ACAN: variants seen among roughly 807,000 people sequenced by gnomAD.
ACAN encodes aggrecan, also known as aggrecan core protein.
ACAN carries 47 observed loss-of-function variants against 169.1 expected under a neutral mutation model. That is an observed-to-expected ratio of 0.28 (90% CI 0.22 to 0.35). ACAN has a LOEUF of 0.35. Ranked by LOEUF, ACAN falls within the 10% of genes least tolerant of loss-of-function variation. ACAN has a pLI of 1.00. For missense variants in ACAN, 2,716 were observed against 2,759.9 expected (o/e 0.98, Z 0.36); for synonymous variants, 1,115 against 1,112.2 (o/e 1.00, Z -0.05).
rs1393024677 is a variant in ACAN, at chr15:88,845,625, G to T, written c.1172G>T (p.Gly391Val). Residue 391 changes from glycine to valine, a missense_variant, in exon 7 of 19, where the codon GGT becomes GTT. Coordinates refer to ENST00000560601, the MANE Select transcript of ACAN (RefSeq NM_001369268.1). ...ELPLPRNITE[G>V]EARGSVILTV... ...CCACTGCCTCGAAACATCACTGAGG[G>T]TGAAGCCCGAGGCAGCGTGATCCTT... 14 of 1,614,056 alleles carry T rather than the reference G, an allele frequency of 8.7e-6. No homozygotes were observed. The highest frequency in any genetic ancestry group is 1.1e-5 in the Non-Finnish European group (13 of 1,179,900).
intron 1 of ACAN, among the ~76,000 whole-genome samples, chr15:88,832,514 G>C (rs1246883354): frequency 1.3e-5 from 2 of 152,144 alleles, no homozygotes; most frequent in African/African-American, 4.8e-5. Context: ...GATGGTTGAG[G>C]CAGGACAATT....
Position 88,838,384 on chromosome 15 carries a change from A to T in ACAN, c.71-279A>T, listed in dbSNP as rs2141562256. 6.6e-6 allele frequency among the ~76,000 whole-genome samples: 1 copy of T among 151,966 alleles called. No homozygotes were observed. Among genetic ancestry groups the T allele is most frequent in the East Asian group, 1.9e-4 (1 of 5,146 alleles). ...AAACAGGGAGTTGGTCCTGACTCTG[A>T]CGTCTCCCCTCCCTCCTCTGGAATC... is the stretch of plus-strand genomic sequence containing the variant. On this transcript the variant is annotated intron_variant, in intron 2 of 18. Transcript: ENST00000560601. This position sits in a 1 kb window ranked among gnomAD's most constrained non-coding sequence, Gnocchi z 5.1.
Position 88,847,372 on chromosome 15 carries a change from G to T in ACAN, c.1559G>T (p.Gly520Val). 1 of 1,591,904 alleles carries T rather than the reference G, an allele frequency of 6.3e-7. No homozygotes were observed. Among genetic ancestry groups the T allele is most frequent in the East Asian group, 2.3e-5 (1 of 43,852 alleles). The change falls in exon 8 of 19, where the codon GGC (glycine) becomes GTC (valine). Residue 520 changes from glycine to valine, a missense_variant. By Grantham distance (109) the Gly-to-Val change is moderately radical. Around this residue, in one of 3 missense-constraint regions of ACAN, gnomAD observed 1,283 missense variants for 1,281.5 expected, o/e 1.00. Transcript: ENST00000560601. ...CAGCTCCAGGCCGCCTACGAAGCAGGCTATGAGCAGTGTGACGCCGGCTGG... is the reference window on the plus strand; with the variant it reads ...CAGCTCCAGGCCGCCTACGAAGCAGTCTATGAGCAGTGTGACGCCGGCTGG... ...PEQLQAAYEAGYEQCDAGWLR... is the reference protein window; with the variant it reads ...PEQLQAAYEAVYEQCDAGWLR...
At chr15:88,805,574 C>T (rs1411365565) in intron 1 of ACAN, among the ~76,000 whole-genome samples, 2 of 152,102 alleles carry the variant, frequency 1.3e-5, no homozygotes, top group African/African-American at 4.8e-5. Flanking sequence ...ATCTGCTGAG[C>T]GCCACCTAGG....
chr15:88,828,144 G>A (rs748654679), intron 1 of ACAN, among the ~76,000 whole-genome samples: 1 of 152,260 alleles, frequency 6.6e-6, no homozygotes, highest in South Asian at 2.1e-4. Flanking sequence ...GTTTCCAGGC[G>A]GTGGCATTTG....
intron 13 of ACAN, among the ~76,000 whole-genome samples, chr15:88,862,182 T>C (rs1376042292): frequency 6.6e-6 from 1 of 152,206 alleles, no homozygotes; most frequent in Admixed American, 6.5e-5. Flanking sequence ...CTGAGGAATC[T>C]GAGGTGGTCG....
chr15:88,829,931 C>T (rs910550211), intron 1 of ACAN, among the ~76,000 whole-genome samples: 5 of 152,130 alleles, frequency 3.3e-5, no homozygotes, highest in Non-Finnish European at 7.3e-5. Flanking sequence ...AGAGTTAGCA[C>T]ACATAAAACA....
intron 13 of ACAN, among the ~76,000 whole-genome samples, chr15:88,862,505 C>T (rs1897214705): frequency 6.6e-6 from 1 of 152,164 alleles, no homozygotes; most frequent in African/African-American, 2.4e-5. Context: ...TTAGCATCTC[C>T]AAAGAGTGAG....
Position 88,858,443 on chromosome 15 carries a change from A to G in ACAN, c.5858A>G (p.Glu1953Gly). The change falls in exon 12 of 19, where the codon GAG becomes GGG. Residue 1953 changes from glutamate (E) to glycine (G), a missense_variant. Glu to Gly is a moderately conservative substitution (Grantham distance 98, BLOSUM62 -2). Coordinates refer to ENST00000560601, the MANE Select transcript of ACAN (RefSeq NM_001369268.1). The surrounding 1 kb of genome is among the most constrained non-coding windows in gnomAD (Gnocchi z 4.0). ...GTAACCCAGGCTCCAACAGCCCAAG[A>G]GGCAGGAGAAGGGCCTTCTGGCATT... is the stretch of plus-strand genomic sequence containing the variant. Reference protein sequence around the residue: ...ESVTQAPTAQEAGEGPSGILE... With the variant: ...ESVTQAPTAQGAGEGPSGILE... The G allele has an allele frequency of 6.2e-7, 1 of 1,613,696 alleles. No homozygotes were observed.
At chr15:88,847,816 C>T (rs1022894834) in intron 8 of ACAN, 95 bp from the exon 9 acceptor site, 3 of 1,446,298 alleles carry the variant, frequency 2.1e-6, no homozygotes, top group East Asian at 4.7e-5. Flanking sequence ...AAGACATCTC[C>T]AAGTCCCTGA....
Position 88,843,660 on chromosome 15 carries a change from C to T in ACAN, c.1051+12C>T. ...CATCTGCTACACAGGTGGGGCACGG[C>T]TGGTGGTGGGAAGGGAGTTCATGCC... On this transcript the variant is annotated intron_variant, in intron 6 of 18. Transcript: ENST00000560601. This position sits in a 1 kb window ranked among gnomAD's most constrained non-coding sequence, Gnocchi z 4.0. 1 of 1,555,040 alleles carries T rather than the reference C, an allele frequency of 6.4e-7. No homozygotes were observed. Among genetic ancestry groups the T allele is most frequent in the Non-Finnish European group, 8.7e-7 (1 of 1,142,918 alleles).
chr15:88,831,002 C>T (rs767124955), intron 1 of ACAN, among the ~76,000 whole-genome samples: 5 of 152,134 alleles, frequency 3.3e-5, no homozygotes, highest in Non-Finnish European at 5.9e-5. Context: ...GCTGTAGTTA[C>T]GTCCAGTAGT....
chr15:88,847,860 TA>T (rs1242147308), intron 8 of ACAN, 50 bp from the exon 9 acceptor site: 2 of 1,597,442 alleles, frequency 1.3e-6, no homozygotes, highest in African/African-American at 2.7e-5. Flanking sequence ...GCCGTGCATC[TA>T]CCAGCCCCTG....
chr15:88,874,404 G>A lies in ACAN; in HGVS notation c.7631-1G>A. 6.2e-7 allele frequency: 1 copy of A among 1,602,376 alleles called. No individual in the cohort carries two copies. Among genetic ancestry groups the A allele is most frequent in the South Asian group, 1.1e-5 (1 of 88,570 alleles). On this transcript the variant is annotated splice_acceptor_variant, in intron 18 of 18. Transcript: ENST00000560601. LOFTEE classifies it high-confidence loss of function. This position sits in a 1 kb window ranked among gnomAD's most constrained non-coding sequence, Gnocchi z 7.3. ...ATCTTTCCATCTCCCTTTCGTCCTA[G>A]CCACCACCTACAAACGCAGACTACA...
At chr15:88,845,949 C>T in intron 7 of ACAN, 67 bp downstream of exon 7, 1 of 1,422,260 alleles carries the variant, frequency 7.0e-7, no homozygotes, top group South Asian at 1.6e-5. Context: ...GGAAGGGATT[C>T]CCGCAGTTGA....
Position 88,859,068 on chromosome 15 carries a change from G to A in ACAN, c.6483G>A (p.Ala2161=), listed in dbSNP as rs532557786. ...CTTTGACATTTCAAGAAGGCGAGGC[G>A]TCCGCTGCCCCAGAAGTGAGTGGAG... is the stretch of plus-strand genomic sequence containing the variant. The part of the protein sequence containing the change: ...GSTLTFQEGE[A]SAAPEVSGES... Residue 2161 remains alanine, a synonymous_variant, in exon 12 of 19, where the codon GCG becomes GCA. Transcript: ENST00000560601. 1.7e-5 allele frequency: 27 copies of A among 1,613,774 alleles called. No individual in the cohort carries two copies. The highest frequency in any genetic ancestry group is 1.8e-5 in the Non-Finnish European group (21 of 1,179,910).
chr15:88,847,570 T>A (rs1007178976), intron 8 of ACAN, among the ~76,000 whole-genome samples, 153 bp downstream of exon 8: 1 of 152,106 alleles, frequency 6.6e-6, no homozygotes, highest in Admixed American at 6.5e-5. Context: ...CCCGAAAGGG[T>A]GGTGAAGGGC....
At chr15:88,840,916 G>A (rs933390831) in intron 4 of ACAN, among the ~76,000 whole-genome samples, 20 of 152,146 alleles carry the variant, frequency 1.3e-4, no homozygotes, top group Non-Finnish European at 2.4e-4. Flanking sequence ...AGGCCAAGGC[G>A]GGCAGATCAC....
In ACAN at chr15:88,857,331, A is replaced by G; in HGVS notation, c.4746A>G (p.Gly1582=). 1 of 1,613,812 alleles carries G rather than the reference A, an allele frequency of 6.2e-7. No individual in the cohort carries two copies. Among genetic ancestry groups the G allele is most frequent in the Non-Finnish European group, 8.5e-7 (1 of 1,179,870 alleles). The part of the protein sequence containing the change: ...GREGLETSAS[G]AEDLSGLPSG... ...AGGGTCTAGAGACTTCAGCTTCTGGAGCTGAGGACCTCAGTGGGTTGCCTT... is the reference window on the plus strand; with the variant it reads ...AGGGTCTAGAGACTTCAGCTTCTGGGGCTGAGGACCTCAGTGGGTTGCCTT... The change falls in exon 12 of 19, where the codon GGA becomes GGG. Residue 1582 remains glycine (G), a synonymous_variant. Coordinates refer to ENST00000560601, the MANE Select transcript of ACAN (RefSeq NM_001369268.1).
Sources: gnomAD v4.1 joint callset for allele counts (sites outside exome capture counted in the v4.1 genomes callset) on GRCh38, gnomAD v4.1.1 for gene constraint, gnomAD v4.1.1 regional missense constraint, Gnocchi (gnomAD v3.1) non-coding constraint, MANE v1.5 for transcripts, NCBI Gene and HGNC (gene_info 2026-07-23, HGNC 2026-07-21) for gene names.